The following CCDC141 variants were observed in gnomAD, a reference collection of about 807,000 sequenced individuals.
CCDC141 encodes coiled-coil domain-containing protein 141.
A neutral mutation model predicts 181.0 loss-of-function variants in CCDC141; 168 were observed. That is an observed-to-expected ratio of 0.93 (90% CI 0.82 to 1.05). The LOEUF (loss-of-function observed/expected upper bound fraction) is 1.05, where lower values mean the gene tolerates loss of function less well. Among genes scored for constraint, CCDC141 ranks in the 50% least tolerant of loss-of-function variants. CCDC141 has a pLI of 0.00. For synonymous variants in CCDC141, 666 were observed against 642.3 expected (o/e 1.04, Z -0.56); for missense variants, 1,902 against 1,788.5 (o/e 1.06, Z -1.14).
chr2:178,849,935 CA>C, intron 21 of CCDC141, 113 bp downstream of exon 21: 2 of 607,398 alleles, frequency 3.3e-6, no homozygotes, highest in South Asian at 4.4e-5. Context: ...AACAAATGTG[CA>C]CATTATGTAC....
intron 8 of CCDC141, among the ~76,000 whole-genome samples, chr2:178,900,336 G>T (rs10195818): frequency 0.048 from 7,270 of 152,056 alleles, 467 homozygotes; most frequent in South Asian, 0.21. Context: ...AAGAGCAAAA[G>T]AGGGGAAAAG....
chr2:178,842,879 A>G (rs1684784378), intron 22 of CCDC141, among the ~76,000 whole-genome samples: 1 of 152,180 alleles, frequency 6.6e-6, no homozygotes, highest in South Asian at 2.1e-4. Context: ...AGAGGTGGTG[A>G]AGAAGAACAC....
intron 2 of CCDC141, among the ~76,000 whole-genome samples, chr2:179,041,896 G>A (rs1378488325): frequency 6.6e-6 from 1 of 152,168 alleles, no homozygotes; most frequent in African/African-American, 2.4e-5. Context: ...CAATACAGGA[G>A]TACCCAGATT....
chr2:178,969,368 A>G (rs1236860215), intron 4 of CCDC141, among the ~76,000 whole-genome samples: 1 of 152,144 alleles, frequency 6.6e-6, no homozygotes, highest in African/African-American at 2.4e-5. Flanking sequence ...CGACGCAAAA[A>G]TCCTCAATAA....
intron 7 of CCDC141, among the ~76,000 whole-genome samples, chr2:178,914,608 T>C (rs1288581117): frequency 1.3e-5 from 2 of 152,234 alleles, no homozygotes; most frequent in Admixed American, 6.5e-5. Context: ...ACAAAGGCAG[T>C]GGGGGAACTG....
chr2:178,911,274 C>T (rs1420076203), intron 7 of CCDC141, among the ~76,000 whole-genome samples: 1 of 152,174 alleles, frequency 6.6e-6, no homozygotes, highest in Non-Finnish European at 1.5e-5. Context: ...GAGTGCTTAG[C>T]AGTTCTGTGC....
intron 7 of CCDC141, among the ~76,000 whole-genome samples, chr2:178,914,482 T>A (rs1443743230): frequency 1.3e-5 from 2 of 152,142 alleles, no homozygotes; most frequent in East Asian, 3.9e-4. Flanking sequence ...AACATCCGTA[T>A]CTCAAGCCAC....
At chr2:178,869,040 A>G in intron 15 of CCDC141, 77 bp downstream of exon 15, 1 of 1,123,826 alleles carries the variant, frequency 8.9e-7, no homozygotes, top group Non-Finnish European at 1.2e-6. Context: ...TTTGGCCTTT[A>G]TTTATTATAT....
chr2:179,042,491 G>A (rs1267918035), intron 2 of CCDC141, among the ~76,000 whole-genome samples: 2 of 152,070 alleles, frequency 1.3e-5, no homozygotes, highest in Admixed American at 6.6e-5. Flanking sequence ...GGGATTACAG[G>A]CACGCACCAC....
chr2:178,881,957 ACAC>A (rs1686645482), intron 11 of CCDC141, among the ~76,000 whole-genome samples: 1 of 147,778 alleles, frequency 6.8e-6, no homozygotes, highest in Non-Finnish European at 1.5e-5. Flanking sequence ...ACACACACAC[ACAC>A]ACCAGTCTAC....
intron 7 of CCDC141, among the ~76,000 whole-genome samples, chr2:178,913,670 A>G (rs947490442): frequency 6.6e-6 from 1 of 152,224 alleles, no homozygotes; most frequent in African/African-American, 2.4e-5. Context: ...TTAATGTTTC[A>G]ATAGCTATGG....
intron 17 of CCDC141, among the ~76,000 whole-genome samples, chr2:178,856,724 G>A (rs577606955): frequency 6.6e-6 from 1 of 152,158 alleles, no homozygotes; most frequent in African/African-American, 2.4e-5. Flanking sequence ...AGCTAGGACT[G>A]CAGATGTGTG....
At chr2:178,942,030 G>T (rs937101430) in intron 6 of CCDC141, among the ~76,000 whole-genome samples, 1 of 144,930 alleles carries the variant, frequency 6.9e-6, no homozygotes, top group Non-Finnish European at 1.5e-5. Flanking sequence ...TACTCTCAGG[G>T]ATGCTGTAGA....
chr2:178,956,784 G>A (rs973053256), intron 5 of CCDC141, among the ~76,000 whole-genome samples: 4 of 152,038 alleles, frequency 2.6e-5, no homozygotes, highest in African/African-American at 9.7e-5. Context: ...AACTATACTT[G>A]TAACAGCCTC....
At chr2:178,949,795 C>T (rs1261945838) in intron 5 of CCDC141, among the ~76,000 whole-genome samples, 2 of 152,138 alleles carry the variant, frequency 1.3e-5, no homozygotes, top group African/African-American at 4.8e-5. Flanking sequence ...TCCCAAATGA[C>T]ATGTGCCAAA....
the CCDC141 span, chr2:178,817,489 A>G: frequency 6.4e-6 from 3 of 470,778 alleles, no homozygotes; most frequent in Non-Finnish European, 1.3e-5. Flanking sequence ...AACACAATAT[A>G]TTCTTCTGAA....
At chr2:178,971,474 G>A (rs1690885328) in intron 4 of CCDC141, among the ~76,000 whole-genome samples, 1 of 152,184 alleles carries the variant, frequency 6.6e-6, no homozygotes, top group African/African-American at 2.4e-5. Flanking sequence ...CTGTTGGTGG[G>A]AGTGTAAACT....
intron 17 of CCDC141, among the ~76,000 whole-genome samples, chr2:178,863,626 A>T (rs542824075): frequency 6.6e-6 from 1 of 152,194 alleles, no homozygotes; most frequent in Non-Finnish European, 1.5e-5. Flanking sequence ...GACACGGAAA[A>T]TATTCCTTCT....
At chr2:179,033,015 T>A (rs140587533) in intron 2 of CCDC141, among the ~76,000 whole-genome samples, 2 of 144,982 alleles carry the variant, frequency 1.4e-5, no homozygotes, top group Non-Finnish European at 3.0e-5. Context: ...ATATAATATA[T>A]AATATTATAT....
Sources: allele counts gnomAD v4.1 joint callset (sites outside exome capture counted in the v4.1 genomes callset), GRCh38; gene constraint gnomAD v4.1.1; transcripts MANE v1.5; gene names NCBI Gene and HGNC (gene_info 2026-07-23, HGNC 2026-07-21).